KIAA1328: variants seen among roughly 807,000 people sequenced by gnomAD.
The protein encoded by KIAA1328 is protein hinderin.
In KIAA1328, 52 loss-of-function variants were observed where a neutral mutation model predicts 68.1. The ratio of observed to expected loss-of-function variants is 0.76; its 90% CI spans 0.61 to 0.96. The LOEUF (loss-of-function observed/expected upper bound fraction) is 0.96, where lower values mean the gene tolerates loss of function less well. Among genes scored for constraint, KIAA1328 ranks in the 40% least tolerant of loss-of-function variants. The probability of loss-of-function intolerance (pLI) is 0.00; values close to 1 mark genes in which losing one functional copy is unlikely to be tolerated. For synonymous variants in KIAA1328, 232 were observed against 239.4 expected, an observed-to-expected ratio of 0.97 and a Z score of 0.28; for missense variants, 641 against 677.6, an observed-to-expected ratio of 0.95 and a Z score of 0.60.
intron 6 of KIAA1328, among the ~76,000 whole-genome samples, chr18:37,045,399 C>T (rs1453451189): frequency 6.6e-6 from 1 of 152,020 alleles, no homozygotes; most frequent in Admixed American, 6.6e-5. Context: ...ATAAATAGTG[C>T]TTCCTTTTTG....
chr18:36,930,909 A>C (rs982192235), intron 5 of KIAA1328, among the ~76,000 whole-genome samples: 2 of 152,166 alleles, frequency 1.3e-5, no homozygotes, highest in Non-Finnish European at 1.5e-5. Flanking sequence ...TTAGTGCTAT[A>C]ATAATTCCAT....
chr18:37,037,715 C>A (rs1187361206), intron 6 of KIAA1328, among the ~76,000 whole-genome samples: 1 of 151,986 alleles, frequency 6.6e-6, no homozygotes, highest in African/African-American at 2.4e-5. Context: ...GAAACCCCAT[C>A]TCCAGCCTCC....
chr18:36,850,865 GGCAGAA>G (rs2047189737), intron 4 of KIAA1328, among the ~76,000 whole-genome samples: 1 of 152,252 alleles, frequency 6.6e-6, no homozygotes, highest in South Asian at 2.1e-4. Context: ...TTAGTGGAGT[GGCAGAA>G]GCAGGCATTT....
chr18:36,855,148 T>G (rs11664744), intron 4 of KIAA1328, among the ~76,000 whole-genome samples: 20,712 of 152,194 alleles, frequency 0.14, 1,751 homozygotes, highest in Admixed American at 0.18. Flanking sequence ...GAGTACGTTT[T>G]CAAATTCCTT....
At chr18:36,944,609 G>A (rs947983585) in intron 5 of KIAA1328, among the ~76,000 whole-genome samples, 8 of 152,090 alleles carry the variant, frequency 5.3e-5, no homozygotes, top group African/African-American at 1.9e-4. Flanking sequence ...TGGGGAAGTA[G>A]CACAAACAGA....
intron 9 of KIAA1328, among the ~76,000 whole-genome samples, chr18:37,208,349 G>T (rs2060255022): frequency 1.3e-5 from 2 of 152,166 alleles, no homozygotes; most frequent in Non-Finnish European, 2.9e-5. Context: ...ACAAGTTCTA[G>T]GATAGGACTA....
At chr18:37,114,413 G>A (rs1183292914) in intron 7 of KIAA1328, among the ~76,000 whole-genome samples, 1 of 152,108 alleles carries the variant, frequency 6.6e-6, no homozygotes, top group Non-Finnish European at 1.5e-5. Context: ...GTGACTACTG[G>A]GTACATAATA....
At chr18:37,198,323 T>A (rs1219606310) in intron 9 of KIAA1328, among the ~76,000 whole-genome samples, 1 of 152,192 alleles carries the variant, frequency 6.6e-6, no homozygotes. Context: ...ATAGATATAC[T>A]TTTCTCTATG....
chr18:37,095,295 A>G (rs1435261999), intron 7 of KIAA1328, among the ~76,000 whole-genome samples: 2 of 152,230 alleles, frequency 1.3e-5, no homozygotes, highest in African/African-American at 4.8e-5. Context: ...TCTCGTCAGC[A>G]CACAGAACAT....
chr18:37,175,766 G>C (rs1319688594), intron 9 of KIAA1328, among the ~76,000 whole-genome samples: 1 of 152,142 alleles, frequency 6.6e-6, no homozygotes, highest in East Asian at 1.9e-4. Flanking sequence ...TGTAAGAGAA[G>C]AGCCTATTGT....
intron 4 of KIAA1328, among the ~76,000 whole-genome samples, chr18:36,857,489 G>A (rs2047423817): frequency 6.6e-6 from 1 of 152,188 alleles, no homozygotes. Context: ...TGTCCCATTA[G>A]TACCAGCAAG....
intron 9 of KIAA1328, among the ~76,000 whole-genome samples, chr18:37,190,385 G>A (rs1002408524): frequency 9.2e-5 from 14 of 152,152 alleles, no homozygotes; most frequent in Admixed American, 9.2e-4. Flanking sequence ...TATTTTCGAG[G>A]TGAGAAAAAT....
At chr18:36,956,821 A>G (rs1907533453) in intron 5 of KIAA1328, among the ~76,000 whole-genome samples, 1 of 152,180 alleles carries the variant, frequency 6.6e-6, no homozygotes, top group Admixed American at 6.5e-5. Context: ...TTGTGTACAT[A>G]ATAGCTGGCA....
chr18:37,175,893 A>G (rs1001617369), intron 9 of KIAA1328, among the ~76,000 whole-genome samples: 6 of 152,200 alleles, frequency 3.9e-5, no homozygotes, highest in Non-Finnish European at 7.3e-5. Context: ...GGGGTGAGAC[A>G]GATGCCAGTG....
chr18:36,873,703 T>G (rs2048023646), intron 4 of KIAA1328, among the ~76,000 whole-genome samples: 1 of 152,232 alleles, frequency 6.6e-6, no homozygotes, highest in Non-Finnish European at 1.5e-5. Context: ...TTATTTTTTA[T>G]TATACTTTAA....
intron 5 of KIAA1328, among the ~76,000 whole-genome samples, chr18:36,937,828 A>G (rs1483575525): frequency 6.6e-6 from 1 of 151,864 alleles, no homozygotes; most frequent in Admixed American, 6.6e-5. Context: ...CATGAGATGT[A>G]CTGTTTTAGC....
chr18:36,957,995 T>C (rs2051494759), intron 5 of KIAA1328, among the ~76,000 whole-genome samples: 1 of 152,162 alleles, frequency 6.6e-6, no homozygotes, highest in South Asian at 2.1e-4. Context: ...CAACCACTAA[T>C]CTATTTCTGT....
At chr18:37,217,607 G>C (rs531359062) in intron 9 of KIAA1328, among the ~76,000 whole-genome samples, 4 of 152,042 alleles carry the variant, frequency 2.6e-5, no homozygotes, top group Non-Finnish European at 5.9e-5. Context: ...AACATTTTTT[G>C]CTTCATTTCA....
intron 5 of KIAA1328, among the ~76,000 whole-genome samples, chr18:36,906,426 A>G (rs951935488): frequency 3.0e-4 from 45 of 152,292 alleles, no homozygotes; most frequent in Admixed American, 2.4e-3. Flanking sequence ...AGAATGCTAT[A>G]TAAGTGGAAT....
Sources: gnomAD v4.1 joint callset for allele counts (sites outside exome capture counted in the v4.1 genomes callset) on GRCh38, gnomAD v4.1.1 for gene constraint, MANE v1.5 for transcripts, NCBI Gene and HGNC (gene_info 2026-07-23, HGNC 2026-07-21) for gene names.